Variants in PGM1 observed in about 807,000 individuals in gnomAD.
PGM1 encodes the protein phosphoglucomutase-1.
Under a neutral mutation model 55.6 loss-of-function variants are expected in PGM1, and 52 were observed. That is an observed-to-expected ratio of 0.94 (90% CI 0.75 to 1.18). PGM1 has a LOEUF of 1.18. Among genes scored for constraint, PGM1 ranks in the 50% most tolerant of loss-of-function variants. The pLI is 0.00. For synonymous variants in PGM1, 287 were observed against 271.7 expected (o/e 1.06, Z -0.55); for missense variants, 724 against 729.3 (o/e 0.99, Z 0.08).
At chr1:63,621,633 G>C (rs1316792468) in intron 1 of PGM1, among the ~76,000 whole-genome samples, 3 of 152,140 alleles carry the variant, frequency 2.0e-5, no homozygotes, top group Admixed American at 1.3e-4. Context: ...AATAAAGCAT[G>C]CTTGCTTTTT....
chr1:63,614,048 G>T (rs1026229068), intron 1 of PGM1, among the ~76,000 whole-genome samples: 1 of 152,078 alleles, frequency 6.6e-6, no homozygotes, highest in East Asian at 1.9e-4. Flanking sequence ...AGTAAAATGG[G>T]AATAGTGAGA....
At chr1:63,654,291 C>G in intron 9 of PGM1, 41 bp from the exon 10 acceptor site, 1 of 1,610,358 alleles carries the variant, frequency 6.2e-7, no homozygotes, top group African/African-American at 1.3e-5. Flanking sequence ...CCTTCAGTCT[C>G]CCAGCATTTG....
At chr1:63,633,949 T>TA (rs1557433869) in intron 4 of PGM1, among the ~76,000 whole-genome samples, 30 of 132,108 alleles carry the variant, frequency 2.3e-4, no homozygotes, top group Admixed American at 1.4e-3. Context: ...TTTTTTTTTT[T>TA]TTTTTTTTTT....
chr1:63,648,680 G>A, intron 8 of PGM1, 28 bp downstream of exon 8: 1 of 1,612,416 alleles, frequency 6.2e-7, no homozygotes, highest in Non-Finnish European at 8.5e-7. Context: ...TGGGGTACAA[G>A]GTAAGGTGGG....
intron 1 of PGM1, among the ~76,000 whole-genome samples, chr1:63,602,810 C>T (rs901125746): frequency 3.9e-5 from 6 of 152,000 alleles, no homozygotes; most frequent in African/African-American, 9.7e-5. Context: ...CAATACAGGC[C>T]CAGTCCTCAC....
chr1:63,638,657 A>G (rs1445588541), intron 6 of PGM1, 28 bp from the exon 7 acceptor site: 3 of 1,454,604 alleles, frequency 2.1e-6, no homozygotes, highest in African/African-American at 2.8e-5. Flanking sequence ...TCCTGCTGTG[A>G]TGTAACTTTG....
chr1:63,622,645 G>GT (rs1231963158), intron 1 of PGM1, among the ~76,000 whole-genome samples: 2 of 152,076 alleles, frequency 1.3e-5, no homozygotes, highest in South Asian at 2.1e-4. Flanking sequence ...CCTCACGCCT[G>GT]TTTTTTTGTA....
chr1:63,658,522 G>A (rs1416310774), intron 10 of PGM1, among the ~76,000 whole-genome samples: 1 of 152,030 alleles, frequency 6.6e-6, no homozygotes, highest in African/African-American at 2.4e-5. Context: ...GGAGGCCAAG[G>A]CAGGCAGATC....
chr1:63,595,912 A>T (rs1648051866), intron 1 of PGM1, among the ~76,000 whole-genome samples: 1 of 152,140 alleles, frequency 6.6e-6, no homozygotes, highest in Non-Finnish European at 1.5e-5. Flanking sequence ...CTCTCAGCCA[A>T]CCTTTGTAAA....
Position 63,654,435 on chromosome 1 carries a change from A to G in PGM1, c.1568A>G (p.Lys523Arg). The change falls in exon 10 of 11, where the codon AAG (lysine) becomes AGG (arginine). Residue 523 changes from lysine to arginine, a missense_variant. Coordinates refer to ENST00000371084, the MANE Select transcript of PGM1 (RefSeq NM_002633.3). ...TIRLYIDSYE[K>R]DVAKINQDPQ... ...CGGCTGTACATCGATAGCTATGAGA[A>G]GGACGTTGCCAAGATTAACCAGGAC... 6.2e-7 allele frequency: 1 copy of G among 1,614,096 alleles called. No individual in the cohort carries two copies. Among genetic ancestry groups the G allele is most frequent in the Non-Finnish European group, 8.5e-7 (1 of 1,179,944 alleles).
At position 63,630,154 on chromosome 1, in the gene PGM1, G is replaced by C. The variant is rs1354376146; in HGVS notation, c.556+66G>C. On this transcript the variant is annotated intron_variant, in intron 3 of 10. Transcript: ENST00000371084. ...CAAGTTGAGCGATTTTCCTTTCAACGTTTTAGTAGAGGGTCTTCAGCTTTG... is the reference window on the plus strand; with the variant it reads ...CAAGTTGAGCGATTTTCCTTTCAACCTTTTAGTAGAGGGTCTTCAGCTTTG... 3.4e-6 allele frequency: 5 copies of C among 1,473,426 alleles called. No homozygotes were observed. The South Asian group carries it at 4.5e-5, about 13-fold the overall frequency. 91.3% of individuals were successfully genotyped at this position (1,473,426 alleles called of 1,614,324 possible). A position where few individuals can be genotyped will look rare whatever the true frequency, so the allele number is the denominator to read the frequency against.
chr1:63,613,368 G>A (rs1201165632), intron 1 of PGM1, among the ~76,000 whole-genome samples: 1 of 148,510 alleles, frequency 6.7e-6, no homozygotes, highest in Non-Finnish European at 1.5e-5. Flanking sequence ...TTGCACTTCT[G>A]GCAGCTTAGA....
intron 9 of PGM1, among the ~76,000 whole-genome samples, chr1:63,652,215 C>T (rs1428925665): frequency 6.6e-6 from 1 of 152,190 alleles, no homozygotes; most frequent in East Asian, 1.9e-4. Flanking sequence ...TAGATGTCAA[C>T]TCCTCTCTTT....
chr1:63,639,880 T>C (rs759852060), intron 7 of PGM1, among the ~76,000 whole-genome samples: 4 of 152,190 alleles, frequency 2.6e-5, no homozygotes, highest in Non-Finnish European at 5.9e-5. Context: ...CAACTTGATA[T>C]TTTCGAGAGT....
At chr1:63,620,263 A>G (rs555796695) in intron 1 of PGM1, among the ~76,000 whole-genome samples, 191 of 152,244 alleles carry the variant, frequency 1.3e-3, no homozygotes, top group African/African-American at 4.2e-3. Flanking sequence ...AGCATTTACT[A>G]CCTGCTTAGT....
intron 1 of PGM1, among the ~76,000 whole-genome samples, chr1:63,603,572 G>A (rs979691705): frequency 1.3e-5 from 2 of 152,170 alleles, no homozygotes; most frequent in African/African-American, 2.4e-5. Flanking sequence ...CGTAAGACCA[G>A]ATGGCTTCCC....
rs1649317682 is a variant in PGM1, at chr1:63,634,817, T to G, written c.683-12T>G. On this transcript the variant is annotated splice_polypyrimidine_tract_variant and intron_variant, in intron 4 of 10. Transcript: ENST00000371084. ...TCTGATTCTGCATACATTTATTCCA[T>G]GCTGTATATAGTTGTGGGACCGTAT... 6.2e-7 allele frequency: 1 copy of G among 1,606,964 alleles called. No individual in the cohort carries two copies. The highest frequency in any genetic ancestry group is 1.3e-5 in the African/African-American group (1 of 74,802).
intron 4 of PGM1, among the ~76,000 whole-genome samples, chr1:63,634,049 T>C (rs1482636228): frequency 6.8e-6 from 1 of 147,968 alleles, no homozygotes; most frequent in Non-Finnish European, 1.5e-5. Context: ...CCCAAAGTAC[T>C]GAAATTACAG....
At chr1:63,611,451 T>A (rs1279426412) in intron 1 of PGM1, among the ~76,000 whole-genome samples, 3 of 152,160 alleles carry the variant, frequency 2.0e-5, no homozygotes, top group Non-Finnish European at 4.4e-5. Context: ...CTCAGCTGCC[T>A]TAACCCCTGA....
Sources: allele counts gnomAD v4.1 joint callset (sites outside exome capture counted in the v4.1 genomes callset), GRCh38; gene constraint gnomAD v4.1.1; transcripts MANE v1.5; gene names NCBI Gene and HGNC (gene_info 2026-07-23, HGNC 2026-07-21).